Variants in FMNL1 observed in about 807,000 individuals in gnomAD.
The protein encoded by FMNL1 is formin like 1.
In FMNL1, 43 loss-of-function variants were observed where a neutral mutation model predicts 121.3. The observed-to-expected ratio is 0.35, with a 90% confidence interval of 0.28 to 0.46. The LOEUF (loss-of-function observed/expected upper bound fraction) is 0.46. FMNL1 is among the 20% of genes least tolerant of loss of function. The pLI, the probability that FMNL1 is intolerant of heterozygous loss-of-function variation, is 1.00. For synonymous variants in FMNL1, 613 were observed against 613.5 expected, an observed-to-expected ratio of 1.00 and a Z score of 0.01; for missense variants, 1,191 against 1,482.4, an observed-to-expected ratio of 0.80 and a Z score of 3.23.
At chr17:45,240,439 A>T (rs780559893) in intron 11 of FMNL1, 37 bp from the exon 12 acceptor site, 2 of 1,583,482 alleles carry the variant, frequency 1.3e-6, no homozygotes, top group Admixed American at 1.8e-5. Context: ...CCACACACAC[A>T]CCAGGCCTCA....
Position 45,241,855 on chromosome 17 carries a change from C to A in FMNL1, c.1594C>A (p.Pro532Thr). ...CGCCCTCGCTGGCTCAGATCTCGCACCTGCAGCAGAGCCGGCTCCCGGAGC... is the reference window on the plus strand; with the variant it reads ...CGCCCTCGCTGGCTCAGATCTCGCAACTGCAGCAGAGCCGGCTCCCGGAGC... The part of the protein sequence containing the change: ...PTGSPSPDLA[P>T]AAEPAPGAAP... The change falls in exon 15 of 27, where the codon CCT (proline) becomes ACT (threonine). Residue 532 changes from proline (P) to threonine (T), a missense_variant. Pro to Thr is a conservative substitution (Grantham distance 38). Coordinates refer to ENST00000331495, the MANE Select transcript of FMNL1 (RefSeq NM_005892.4). The surrounding 1 kb of genome is among the most constrained non-coding windows in gnomAD (Gnocchi z 7.0). 2 of 1,430,786 alleles carry A rather than the reference C, an allele frequency of 1.4e-6. No homozygotes were observed. The highest frequency in any genetic ancestry group is 2.5e-4 in the Middle Eastern group (1 of 3,930). The allele number at this position is 1,430,786 out of a possible 1,614,324, so 88.6% of individuals were successfully genotyped here.
chr17:45,244,153 T>C (rs2043774308), intron 18 of FMNL1, 23 bp from the exon 19 acceptor site: 1 of 1,611,900 alleles, frequency 6.2e-7, no homozygotes, highest in Non-Finnish European at 8.5e-7. Flanking sequence ...CAACTTATCT[T>C]ACCTCCCCCA....
chr17:45,244,850 G>A lies in FMNL1; in HGVS notation c.2549G>A (p.Ser850Asn). ...IVLAFGNYMN[S>N]SKRGAAYGFR... ...CTGGCCTTTGGCAACTACATGAACA[G>A]TAGCAAGCGTGGGGCAGCCTATGGC... is the stretch of plus-strand genomic sequence containing the variant. The change falls in exon 20 of 27, where the codon AGT becomes AAT. Residue 850 changes from serine to asparagine, a missense_variant. Coordinates refer to ENST00000331495, the MANE Select transcript of FMNL1 (RefSeq NM_005892.4). 1.2e-6 allele frequency: 2 copies of A among 1,613,864 alleles called. No individual in the cohort carries two copies. The highest frequency in any genetic ancestry group is 8.5e-7 in the Non-Finnish European group (1 of 1,179,884).
At chr17:45,246,048 C>T (rs775675433) in intron 24 of FMNL1, 75 bp downstream of exon 24, 8 of 1,516,422 alleles carry the variant, frequency 5.3e-6, no homozygotes, top group Non-Finnish European at 7.0e-6. Flanking sequence ...GTGCCACCCC[C>T]ACACCCTCAC....
intron 6 of FMNL1, 69 bp from the exon 7 acceptor site, chr17:45,236,067 C>T (rs2043542327): frequency 3.8e-6 from 5 of 1,299,758 alleles, no homozygotes; most frequent in South Asian, 2.5e-5. Flanking sequence ...ACCCCAGAGG[C>T]TGAGTGGTGG....
In FMNL1 at chr17:45,242,518, G is replaced by A; in HGVS notation, c.2010+53G>A. ...TGGGCACCGGAGGAAGAGGGGAGTT[G>A]CCTGGATCAGGCTGGGCCCTGGGGG... On this transcript the variant is annotated intron_variant, in intron 16 of 26. Transcript: ENST00000331495. The A allele has an allele frequency of 1.1e-5, 17 of 1,589,378 alleles. No homozygotes were observed. In the South Asian group the frequency reaches 1.6e-4, roughly 15 times the overall value.
rs1053912464 is a variant in FMNL1, at chr17:45,241,798, T to C, written c.1586-49T>C. ...AGAGGCGGAGAGGGGCCCACCCAAG[T>C]CAAGGAGCTGACTCGCGCCTCCCCC... On this transcript the variant is annotated intron_variant, in intron 14 of 26. Coordinates refer to ENST00000331495, the MANE Select transcript of FMNL1 (RefSeq NM_005892.4). This position sits in a 1 kb window ranked among gnomAD's most constrained non-coding sequence, Gnocchi z 7.0. 39 of 1,400,218 alleles carry C rather than the reference T, an allele frequency of 2.8e-5. No individual in the cohort carries two copies. The highest frequency in any genetic ancestry group is 3.6e-5 in the Non-Finnish European group (39 of 1,083,242). The allele number at this position is 1,400,218 out of a possible 1,614,324, so 86.7% of individuals were successfully genotyped here. A position where few individuals can be genotyped will look rare whatever the true frequency, so the allele number is the denominator to read the frequency against.
intron 6 of FMNL1, 68 bp downstream of exon 6, chr17:45,234,268 C>T (rs745347714): frequency 5.0e-6 from 8 of 1,611,046 alleles, no homozygotes; most frequent in Admixed American, 3.3e-5. Flanking sequence ...TGCATCTAGC[C>T]AGCCCACCCC....
chr17:45,240,352 G>A, intron 11 of FMNL1, 124 bp from the exon 12 acceptor site: 2 of 1,007,024 alleles, frequency 2.0e-6, no homozygotes, highest in East Asian at 2.8e-5. Flanking sequence ...AAAAAATAAA[G>A]AAAAAGTAGG....
chr17:45,228,441 T>C (rs1000184837), intron 1 of FMNL1, among the ~76,000 whole-genome samples: 4 of 152,116 alleles, frequency 2.6e-5, no homozygotes, highest in African/African-American at 9.7e-5. Context: ...TGGACCCAGG[T>C]GGTGGCTCAG....
rs976151615 is a variant in FMNL1 at position 45,238,878 on chromosome 17, T to G, written c.970-77T>G. On this transcript the variant is annotated intron_variant, in intron 10 of 26. Coordinates refer to ENST00000331495, the MANE Select transcript of FMNL1 (RefSeq NM_005892.4). ...AGAACTGTGGAGAAGGAGGGAGGCTTGGGGTAAGTGGAGGTGGAAGGCATT... is the reference window on the plus strand; with the variant it reads ...AGAACTGTGGAGAAGGAGGGAGGCTGGGGGTAAGTGGAGGTGGAAGGCATT... 6 of 1,280,612 alleles carry G rather than the reference T, an allele frequency of 4.7e-6. No individual in the cohort carries two copies. The African/African-American group carries it at 8.8e-5, about 19-fold the overall frequency. 79.3% of individuals were successfully genotyped at this position (1,280,612 alleles called of 1,614,324 possible).
In FMNL1 at chr17:45,245,427, G is replaced by A. The variant is rs2043807570; in HGVS notation, c.2892+11G>A. ...AGCAAGACGGCTCAGGTGCGCCAGG[G>A]CTGGCCTCACCTGGAGGTGGGGCAT... is the stretch of plus-strand genomic sequence containing the variant. On this transcript the variant is annotated intron_variant, in intron 22 of 26. Coordinates refer to ENST00000331495, the MANE Select transcript of FMNL1 (RefSeq NM_005892.4). The A allele has an allele frequency of 1.9e-6, 3 of 1,613,946 alleles. No homozygotes were observed. The highest frequency in any genetic ancestry group is 1.3e-5 in the African/African-American group (1 of 74,934).
In FMNL1 at chr17:45,233,561, C is replaced by T; in HGVS notation, c.402-87C>T. On this transcript the variant is annotated intron_variant, in intron 4 of 26. Coordinates refer to ENST00000331495, the MANE Select transcript of FMNL1 (RefSeq NM_005892.4). The surrounding 1 kb of genome is among the most constrained non-coding windows in gnomAD (Gnocchi z 4.1). ...GGGTCTTTGGGGGTTGAAAGGGCAC[C>T]CCAGGGGTCCTTGCTGTCCCTGTTC... The T allele has an allele frequency of 6.6e-7, 1 of 1,509,182 alleles. No homozygotes were observed. The highest frequency in any genetic ancestry group is 9.1e-7 in the Non-Finnish European group (1 of 1,094,424). 93.5% of individuals were successfully genotyped at this position (1,509,182 alleles called of 1,614,324 possible). A position where few individuals can be genotyped will look rare whatever the true frequency, so the allele number is the denominator to read the frequency against.
intron 1 of FMNL1, among the ~76,000 whole-genome samples, chr17:45,228,233 G>T (rs1317992139): frequency 6.6e-6 from 1 of 152,232 alleles, no homozygotes; most frequent in Non-Finnish European, 1.5e-5. Context: ...AGTGTTCGGC[G>T]CTGTCAGAGC....
rs1395362880 is a variant in FMNL1, at chr17:45,242,048, G to T, written c.1787G>T (p.Gly596Val). The stretch of plus-strand genomic sequence containing the variant: ...CCCCCGCCACCGCCACCACCTCCGG[G>T]CACTGACGGGCCGGTGCCTCCGCCG... ...PPPPPPPPPP[G>V]TDGPVPPPPP... Residue 596 changes from glycine (G) to valine (V), a missense_variant, in exon 15 of 27, where the codon GGC (glycine) becomes GTC (valine). By Grantham distance (109) the Gly-to-Val change is moderately radical (BLOSUM62 -3). Transcript: ENST00000331495. 10 of 1,475,274 alleles carry T rather than the reference G, an allele frequency of 6.8e-6. No individual in the cohort carries two copies. The highest frequency in any genetic ancestry group is 2.3e-5 in the Admixed American group (1 of 44,268). The allele number at this position is 1,475,274 out of a possible 1,614,324, so 91.4% of individuals were successfully genotyped here.
chr17:45,227,447 C>T (rs1244854186), intron 1 of FMNL1, among the ~76,000 whole-genome samples: 2 of 152,044 alleles, frequency 1.3e-5, no homozygotes, highest in African/African-American at 2.4e-5. Flanking sequence ...GGAGAATGGT[C>T]CCCACACATT....
In FMNL1 at chr17:45,242,497, C is replaced by T. The variant is rs541639144; in HGVS notation, c.2010+32C>T. 8.1e-6 allele frequency: 13 copies of T among 1,602,932 alleles called. No individual in the cohort carries two copies. In the Admixed American group the frequency reaches 1.0e-4, roughly 12 times the overall value. ...GGCCCTGCCTGGCTCCCCATGTGGG[C>T]ACCGGAGGAAGAGGGGAGTTGCCTG... On this transcript the variant is annotated intron_variant, in intron 16 of 26. Coordinates refer to ENST00000331495, the MANE Select transcript of FMNL1 (RefSeq NM_005892.4).
chr17:45,238,274 C>G (rs2043595592), intron 9 of FMNL1: 3 of 348,034 alleles, frequency 8.6e-6, no homozygotes, highest in Non-Finnish European at 1.6e-5. Context: ...TTCAGCAAAG[C>G]TGTGAAGGAA....
intron 9 of FMNL1, 91 bp from the exon 10 acceptor site, chr17:45,238,473 G>A: frequency 3.8e-6 from 5 of 1,328,782 alleles, no homozygotes; most frequent in Non-Finnish European, 5.3e-6. Context: ...ATTAACTGGA[G>A]AGGAGCCTGT....
Sources: allele counts gnomAD v4.1 joint callset (sites outside exome capture counted in the v4.1 genomes callset), GRCh38; gene constraint gnomAD v4.1.1; non-coding constraint Gnocchi (gnomAD v3.1); transcripts MANE v1.5; gene names NCBI Gene and HGNC (gene_info 2026-07-23, HGNC 2026-07-21).